TDRD7: variants seen among roughly 807,000 people sequenced by gnomAD.
The protein encoded by TDRD7 is tudor domain-containing protein 7.
A neutral mutation model predicts 109.8 loss-of-function variants in TDRD7; 47 were observed. That is an observed-to-expected ratio of 0.43 (90% CI 0.34 to 0.55). TDRD7 has a LOEUF of 0.55. Ranked by LOEUF, TDRD7 falls within the 20% of genes least tolerant of loss-of-function variation. The probability of loss-of-function intolerance (pLI) is 0.03; values close to 1 mark genes in which losing one functional copy is unlikely to be tolerated. For synonymous variants in TDRD7, 424 were observed against 457.3 expected (o/e 0.93, Z 0.93); for missense variants, 1,164 against 1,319.2 (o/e 0.88, Z 1.82).
intron 6 of TDRD7, among the ~76,000 whole-genome samples, chr9:97,456,803 A>G (rs528727729): frequency 6.6e-6 from 1 of 152,352 alleles, no homozygotes; most frequent in South Asian, 2.1e-4. Context: ...CAATTGCAAC[A>G]AAAGCCAAAA....
At position 97,421,668 on chromosome 9, in the gene TDRD7, A is replaced by T. The variant is rs145662594; in HGVS notation, c.-6-6792A>T. On this transcript the variant is annotated intron_variant, in intron 1 of 16. Transcript: ENST00000355295. ...CACTGCAGCCTCTCAGGTAGCTGGG[A>T]CTACAGGCACGTGCGACTATGCCCA... 1.4e-3 allele frequency among the ~76,000 whole-genome samples: 205 copies of T among 151,048 alleles called. 4 individuals are homozygous for T. The South Asian group carries it at 0.02, about 15-fold the overall frequency.
intron 1 of TDRD7, among the ~76,000 whole-genome samples, chr9:97,418,962 A>T (rs1827855281): frequency 6.6e-6 from 1 of 152,178 alleles, no homozygotes; most frequent in Non-Finnish European, 1.5e-5. Flanking sequence ...TCTTAAGGCA[A>T]AGGGTAAGGC....
At position 97,472,502 on chromosome 9, in the gene TDRD7, CTG is replaced by C; in HGVS notation, c.1944+10_1944+11del. 1.2e-6 allele frequency: 2 copies of C among 1,607,212 alleles called. No individual in the cohort carries two copies. The highest frequency in any genetic ancestry group is 1.7e-6 in the Non-Finnish European group (2 of 1,174,044). Reference sequence around the variant, plus strand: ...ACTAGAGGTTCACCTGCAGGTACCACTGTGATCACTGTTGTTGCTTGTTACAC... The same window carrying C: ...ACTAGAGGTTCACCTGCAGGTACCACTGATCACTGTTGTTGCTTGTTACAC... On this transcript the variant is annotated splice_region_variant and intron_variant, in intron 10 of 16. Transcript: ENST00000355295.
At chr9:97,491,067 C>T (rs1829301747) in intron 16 of TDRD7, among the ~76,000 whole-genome samples, 1 of 151,976 alleles carries the variant, frequency 6.6e-6, no homozygotes. Flanking sequence ...AGGCATGCAC[C>T]ACCACACCTG....
intron 15 of TDRD7, 56 bp from the exon 16 acceptor site, chr9:97,487,116 A>G: frequency 1.3e-6 from 2 of 1,563,240 alleles, no homozygotes; most frequent in East Asian, 2.2e-5. Context: ...CTTGCCCTTA[A>G]AGCAGGTACT....
intron 7 of TDRD7, among the ~76,000 whole-genome samples, chr9:97,464,120 A>G (rs1006347910): frequency 6.6e-6 from 1 of 152,152 alleles, no homozygotes; most frequent in African/African-American, 2.4e-5. Context: ...CTTAGTCAAG[A>G]TCCAGCATCG....
chr9:97,459,682 C>G (rs1230300377), intron 6 of TDRD7, among the ~76,000 whole-genome samples: 1 of 152,208 alleles, frequency 6.6e-6, no homozygotes, highest in Non-Finnish European at 1.5e-5. Flanking sequence ...GTACTTATCT[C>G]TGGAGCATCT....
chr9:97,452,147 G>A (rs952531369), intron 6 of TDRD7, among the ~76,000 whole-genome samples: 12 of 152,188 alleles, frequency 7.9e-5, no homozygotes, highest in Non-Finnish European at 2.9e-5. Flanking sequence ...CCAGGAGGTG[G>A]AGGCTGCAGT....
At chr9:97,477,407 C>G (rs763162377) in intron 12 of TDRD7, among the ~76,000 whole-genome samples, 5 of 152,182 alleles carry the variant, frequency 3.3e-5, no homozygotes, top group Non-Finnish European at 5.9e-5. Flanking sequence ...CTCAGCCTTT[C>G]TTTGCTATTC....
chr9:97,443,395 A>G (rs1219414435), intron 6 of TDRD7, among the ~76,000 whole-genome samples: 1 of 152,246 alleles, frequency 6.6e-6, no homozygotes, highest in Admixed American at 6.5e-5. Context: ...TTTCCCTACT[A>G]ATAAACTCAA....
intron 7 of TDRD7, among the ~76,000 whole-genome samples, chr9:97,461,154 A>AT (rs959019539): frequency 3.9e-5 from 6 of 152,030 alleles, no homozygotes; most frequent in African/African-American, 1.4e-4. Flanking sequence ...AAAAAAAAAA[A>AT]GGATAACATA....
At chr9:97,435,582 G>A (rs1028498297) in intron 4 of TDRD7, among the ~76,000 whole-genome samples, 2 of 151,554 alleles carry the variant, frequency 1.3e-5, no homozygotes, top group African/African-American at 2.4e-5. Context: ...GGTACAGTGA[G>A]TTATAATCAC....
rs780289533 is a variant in TDRD7, at chr9:97,472,306, A to C, written c.1755A>C (p.Leu585=). ...TKCKLAGLEV[L]SDDPDLVKVV... is the part of the protein sequence containing the mutation. ...AATATTTTTCAGGCTTGGAAGTCCT[A>C]AGCGATGACCCTGATCTAGTGAAGG... The change falls in exon 10 of 17, where the codon CTA becomes CTC. Residue 585 remains leucine (L), a synonymous_variant. Coordinates refer to ENST00000355295, the MANE Select transcript of TDRD7 (RefSeq NM_014290.3). 8 of 1,613,850 alleles carry C rather than the reference A, an allele frequency of 5.0e-6. No homozygotes were observed. The highest frequency in any genetic ancestry group is 6.8e-6 in the Non-Finnish European group (8 of 1,179,778).
chr9:97,444,714 T>A (rs1397619613), intron 6 of TDRD7, among the ~76,000 whole-genome samples: 1 of 152,036 alleles, frequency 6.6e-6, no homozygotes, highest in Admixed American at 6.6e-5. Flanking sequence ...TTTTTAAGGG[T>A]TTTTTCCTCC....
rs142287179 is a variant in TDRD7, at chr9:97,432,933, A to G, written c.563+695A>G. On this transcript the variant is annotated intron_variant, in intron 4 of 16. Transcript: ENST00000355295. ...CATGGCCATTTTGCTTTGTTTGCAT[A>G]TGCCTCTGGGTGCTTTTGCAAAATA... is the stretch of plus-strand genomic sequence containing the variant. Among the ~76,000 whole-genome samples the G allele has an allele frequency of 2.1e-3, 314 of 152,294 alleles. 4 individuals carry two copies. Among genetic ancestry groups the G allele is most frequent in the African/African-American group, 7.2e-3 (299 of 41,568 alleles).
chr9:97,435,602 C>G (rs1016873847), intron 4 of TDRD7, among the ~76,000 whole-genome samples: 1 of 150,206 alleles, frequency 6.7e-6, no homozygotes, highest in Non-Finnish European at 1.5e-5. Context: ...CACCACTGCA[C>G]TCAAGCCTGG....
chr9:97,484,826 T>TG (rs890764942), intron 15 of TDRD7, among the ~76,000 whole-genome samples: 3 of 152,142 alleles, frequency 2.0e-5, no homozygotes, highest in African/African-American at 7.2e-5. Flanking sequence ...ACTAATGTTC[T>TG]GGGGGGCAGA....
At chr9:97,460,054 A>G (rs1407022109) in intron 6 of TDRD7, 124 bp from the exon 7 acceptor site, 1 of 819,324 alleles carries the variant, frequency 1.2e-6, no homozygotes, top group Non-Finnish European at 2.1e-6. Context: ...AATTGAAAAG[A>G]GTAAATCGTA....
chr9:97,480,678 C>A, intron 13 of TDRD7, 150 bp from the exon 14 acceptor site: 2 of 715,592 alleles, frequency 2.8e-6, no homozygotes, highest in Non-Finnish European at 2.5e-6. Context: ...AGCAGATGCT[C>A]AAACCAGGAA....
Sources: allele counts gnomAD v4.1 joint callset (sites outside exome capture counted in the v4.1 genomes callset), GRCh38; gene constraint gnomAD v4.1.1; transcripts MANE v1.5; gene names NCBI Gene and HGNC (gene_info 2026-07-23, HGNC 2026-07-21).